The following PARVA variants were observed in gnomAD, a reference collection of about 807,000 sequenced individuals.
PARVA encodes the protein parvin alpha.
In PARVA, 25 loss-of-function variants were observed where a neutral mutation model predicts 52.6. The ratio of observed to expected loss-of-function variants is 0.48; its 90% CI spans 0.35 to 0.66. PARVA has a LOEUF of 0.66. Among genes scored for constraint, PARVA ranks in the 30% least tolerant of loss-of-function variants. The pLI, the probability that PARVA is intolerant of heterozygous loss-of-function variation, is 0.01. For synonymous variants in PARVA, 185 were observed against 179.1 expected, an observed-to-expected ratio of 1.03 and a Z score of -0.26; for missense variants, 373 against 450.9, an observed-to-expected ratio of 0.83 and a Z score of 1.56.
intron 1 of PARVA, among the ~76,000 whole-genome samples, chr11:12,429,715 A>G (rs1438538069): frequency 6.6e-6 from 1 of 152,160 alleles, no homozygotes; most frequent in East Asian, 1.9e-4. Flanking sequence ...TGTATCTATT[A>G]ACCCATTTAT....
At chr11:12,423,351 GT>G (rs869105706) in intron 1 of PARVA, among the ~76,000 whole-genome samples, 58,274 of 104,824 alleles carry the variant, frequency 0.56, 13,855 homozygotes, top group South Asian at 0.72. Context: ...GCTAATTTTT[GT>G]TTTTTTTTTT....
At chr11:12,388,770 A>C (rs1158961438) in intron 1 of PARVA, among the ~76,000 whole-genome samples, 1 of 151,904 alleles carries the variant, frequency 6.6e-6, no homozygotes, top group Non-Finnish European at 1.5e-5. Flanking sequence ...ATTTATTATA[A>C]TGTAAATATT....
intron 1 of PARVA, among the ~76,000 whole-genome samples, chr11:12,393,257 T>C (rs1242479330): frequency 6.6e-6 from 1 of 152,168 alleles, no homozygotes; most frequent in African/African-American, 2.4e-5. Context: ...TTACATTTGT[T>C]AACATATTTG....
At chr11:12,478,617 G>A (rs1941045624) in intron 4 of PARVA, 1 of 162,438 alleles carries the variant, frequency 6.2e-6, no homozygotes, top group South Asian at 1.7e-4. Flanking sequence ...ATCTGCTTTA[G>A]ACTGAATTCA....
intron 1 of PARVA, among the ~76,000 whole-genome samples, chr11:12,449,582 C>A (rs1940596586): frequency 6.6e-6 from 1 of 152,210 alleles, no homozygotes; most frequent in Non-Finnish European, 1.5e-5. Context: ...CAGGTTCTAG[C>A]TCCGCATTCT....
intron 5 of PARVA, among the ~76,000 whole-genome samples, chr11:12,498,571 C>CTTTTTTTTTTTTTTTTTTTTTTTTTT: frequency 1.2e-5 from 1 of 84,132 alleles, no homozygotes; most frequent in Non-Finnish European, 2.4e-5. Context: ...GTCATATACA[C>CTTTTTTTTTTTTTTTTTTTTTTTTTT]TTTTTTTTTT....
At chr11:12,516,416 C>A (rs1863585) in intron 10 of PARVA, among the ~76,000 whole-genome samples, 136,972 of 151,340 alleles carry the variant, frequency 0.91, 63,564 homozygotes, top group East Asian at 1. Flanking sequence ...ACCCCCTACT[C>A]CTCCCAAGGT....
Position 12,498,769 on chromosome 11 carries a change from T to C in PARVA, c.541+2171T>C, listed in dbSNP as rs112906232. Among the ~76,000 whole-genome samples the C allele has an allele frequency of 5.6e-3, 853 of 151,892 alleles. 8 individuals are homozygous for C. The highest frequency in any genetic ancestry group is 0.019 in the African/African-American group (799 of 41,426). ...TTCGTATTTTTAGTAGAGACAGGAA[T>C]TCGCCATGGCCAGGCTGGTCTCAAA... On this transcript the variant is annotated intron_variant, in intron 5 of 12. Transcript: ENST00000334956.
chr11:12,386,761 C>T (rs1464141064), intron 1 of PARVA, among the ~76,000 whole-genome samples: 4 of 152,202 alleles, frequency 2.6e-5, no homozygotes, highest in African/African-American at 9.6e-5. Context: ...CCTCTTAGGT[C>T]CCTGCTGCAC....
intron 4 of PARVA, among the ~76,000 whole-genome samples, chr11:12,485,701 A>G (rs970819516): frequency 8.5e-5 from 13 of 152,314 alleles, no homozygotes; most frequent in African/African-American, 3.1e-4. Flanking sequence ...CTTTGTGTAG[A>G]TATAACCCCT....
rs1487192385 is a variant in PARVA at position 12,504,346 on chromosome 11, C to T, written c.574C>T (p.His192Tyr). 6.2e-7 allele frequency: 1 copy of T among 1,613,394 alleles called. No individual in the cohort carries two copies. Among genetic ancestry groups the T allele is most frequent in the African/African-American group, 1.3e-5 (1 of 75,056 alleles). The change falls in exon 6 of 13, where the codon CAC becomes TAC. Residue 192 changes from histidine to tyrosine, a missense_variant. Transcript: ENST00000334956. ...VHAKSLVAIL[H>Y]LLVALSQYFR... Reference sequence around the variant, plus strand: ...TGCCAAGAGCCTGGTGGCCATCTTACACCTGCTCGTTGCTCTGTCTCAGTA... The same window carrying T: ...TGCCAAGAGCCTGGTGGCCATCTTATACCTGCTCGTTGCTCTGTCTCAGTA...
At chr11:12,487,431 A>T (rs1941173510) in intron 4 of PARVA, among the ~76,000 whole-genome samples, 1 of 152,238 alleles carries the variant, frequency 6.6e-6, no homozygotes, top group Non-Finnish European at 1.5e-5. Context: ...TGGCTGAGCT[A>T]TTCAATTCAG....
intron 4 of PARVA, among the ~76,000 whole-genome samples, chr11:12,490,108 C>T (rs536552241): frequency 1.3e-4 from 19 of 151,164 alleles, no homozygotes; most frequent in South Asian, 4.2e-4. Context: ...CCCAGCTACT[C>T]GGGAGGCTGA....
Position 12,525,566 on chromosome 11 carries a change from T to C in PARVA, c.1043-2283T>C, listed in dbSNP as rs570609841. Among the ~76,000 whole-genome samples, 9 of 152,206 alleles carry C rather than the reference T, an allele frequency of 5.9e-5. No homozygotes were observed. The South Asian group carries it at 1.9e-3, about 32-fold the overall frequency. On this transcript the variant is annotated intron_variant, in intron 12 of 12. Transcript: ENST00000334956. The stretch of plus-strand genomic sequence containing the variant: ...TTCCTGGTATTTGACTTGAGTAGAA[T>C]TTAAGAAACACTCAACACCAAGCAG...
At chr11:12,391,859 T>A (rs1939664659) in intron 1 of PARVA, among the ~76,000 whole-genome samples, 1 of 152,208 alleles carries the variant, frequency 6.6e-6, no homozygotes, top group Non-Finnish European at 1.5e-5. Context: ...ACTTTTTTAA[T>A]ATAGCAGCTT....
intron 7 of PARVA, among the ~76,000 whole-genome samples, chr11:12,511,256 C>G (rs534872471): frequency 6.6e-6 from 1 of 152,262 alleles, no homozygotes; most frequent in South Asian, 2.1e-4. Flanking sequence ...ATCACTATGC[C>G]AGGCTTTGCA....
chr11:12,437,053 A>G (rs1160308012), intron 1 of PARVA, among the ~76,000 whole-genome samples: 1 of 152,178 alleles, frequency 6.6e-6, no homozygotes, highest in Non-Finnish European at 1.5e-5. Flanking sequence ...GCAATTTGAC[A>G]TTGTTGCAAC....
chr11:12,517,308 C>CCCCCACT (rs1284283787), intron 10 of PARVA, among the ~76,000 whole-genome samples: 1 of 127,184 alleles, frequency 7.9e-6, no homozygotes, highest in African/African-American at 3.5e-5. Context: ...CACTGACCAC[C>CCCCCACT]CCCCACCCCC....
chr11:12,525,877 C>G (rs1323401324), intron 12 of PARVA, among the ~76,000 whole-genome samples: 1 of 151,846 alleles, frequency 6.6e-6, no homozygotes, highest in African/African-American at 2.4e-5. Context: ...GGTCTATAAC[C>G]AGGATAAGGC....
Sources: gnomAD v4.1 joint callset for allele counts (sites outside exome capture counted in the v4.1 genomes callset) on GRCh38, gnomAD v4.1.1 for gene constraint, MANE v1.5 for transcripts, NCBI Gene and HGNC (gene_info 2026-07-23, HGNC 2026-07-21) for gene names.